EXOC4: variants seen among roughly 807,000 people sequenced by gnomAD.
The protein encoded by EXOC4 is SEC8-like 1.
EXOC4 carries 71 observed loss-of-function variants against 107.2 expected under a neutral mutation model. That is an observed-to-expected ratio of 0.66 (90% CI 0.55 to 0.81). The LOEUF (loss-of-function observed/expected upper bound fraction) is 0.81. Ranked by LOEUF, EXOC4 falls within the 30% of genes least tolerant of loss-of-function variation. The probability of loss-of-function intolerance (pLI) is 0.00; values close to 1 mark genes in which losing one functional copy is unlikely to be tolerated. For missense variants in EXOC4, 1,108 were observed against 1,189.6 expected (o/e 0.93, Z 1.01); for synonymous variants, 456 against 441.2 (o/e 1.03, Z -0.42).
chr7:133,347,124 T>C (rs144793680), intron 5 of EXOC4, among the ~76,000 whole-genome samples: 57 of 152,306 alleles, frequency 3.7e-4, no homozygotes, highest in African/African-American at 1.3e-3. Context: ...AATATTTAAC[T>C]GTATAAATAG....
At position 133,938,051 on chromosome 7, in the gene EXOC4, A is replaced by G; in HGVS notation, c.2188A>G (p.Asn730Asp). The G allele has an allele frequency of 1.2e-6, 2 of 1,614,048 alleles. No homozygotes were observed. Among genetic ancestry groups the G allele is most frequent in the Non-Finnish European group, 1.7e-6 (2 of 1,180,008 alleles). The change falls in exon 14 of 18, where the codon AAT becomes GAT. Residue 730 changes from asparagine to aspartate, a missense_variant. Physicochemically the swap from Asn to Asp is conservative, Grantham distance 23. Coordinates refer to ENST00000253861, the MANE Select transcript of EXOC4 (RefSeq NM_021807.4). Reference sequence around the variant, plus strand: ...AAGTCGAACAAAGTCAGCTTTCTCCAATCTTTCTACATCCCAGAGTAAGTA... The same window carrying G: ...AAGTCGAACAAAGTCAGCTTTCTCCGATCTTTCTACATCCCAGAGTAAGTA... The part of the protein sequence containing the change: ...LASRTKSAFS[N>D]LSTSQMLSPA...
At chr7:133,294,811 A>T (rs999651444) in intron 3 of EXOC4, among the ~76,000 whole-genome samples, 1 of 152,070 alleles carries the variant, frequency 6.6e-6, no homozygotes, top group Non-Finnish European at 1.5e-5. Flanking sequence ...AGTTAACAAG[A>T]TCCTTTGGAA....
intron 10 of EXOC4, among the ~76,000 whole-genome samples, chr7:133,682,147 C>G (rs1237156713): frequency 6.6e-6 from 1 of 152,130 alleles, no homozygotes; most frequent in Non-Finnish European, 1.5e-5. Flanking sequence ...ATCCAGGCAC[C>G]TTGTCCTCCC....
intron 7 of EXOC4, among the ~76,000 whole-genome samples, chr7:133,426,875 C>T (rs1304713403): frequency 6.6e-6 from 1 of 152,186 alleles, no homozygotes; most frequent in African/African-American, 2.4e-5. Flanking sequence ...GACATTTCCT[C>T]TCTTAAGGTA....
chr7:133,407,184 C>T (rs1797241191), intron 7 of EXOC4, among the ~76,000 whole-genome samples: 1 of 152,160 alleles, frequency 6.6e-6, no homozygotes, highest in Non-Finnish European at 1.5e-5. Flanking sequence ...CATCCCCCAC[C>T]TTTGATCTGT....
At chr7:133,705,738 C>T in intron 10 of EXOC4, among the ~76,000 whole-genome samples, 1 of 152,122 alleles carries the variant, frequency 6.6e-6, no homozygotes, top group East Asian at 1.9e-4. Context: ...GACTAATGGA[C>T]AGGTAGCGTA....
chr7:133,886,663 G>C (rs1365452853), intron 11 of EXOC4, among the ~76,000 whole-genome samples: 1 of 152,004 alleles, frequency 6.6e-6, no homozygotes, highest in Non-Finnish European at 1.5e-5. Context: ...TTGTTTAATA[G>C]AAATTATAAT....
At chr7:134,030,684 C>G (rs569133416) in intron 17 of EXOC4, among the ~76,000 whole-genome samples, 34 of 136,810 alleles carry the variant, frequency 2.5e-4, no homozygotes, top group African/African-American at 8.7e-4. Flanking sequence ...CTCTGCCCCC[C>G]CAGCTCACCC....
chr7:133,652,255 G>T (rs997882639), intron 10 of EXOC4, among the ~76,000 whole-genome samples: 3 of 152,120 alleles, frequency 2.0e-5, no homozygotes, highest in Non-Finnish European at 4.4e-5. Flanking sequence ...TTCACATGCA[G>T]CCTAGACATA....
chr7:133,527,370 C>T (rs992618388), intron 9 of EXOC4, among the ~76,000 whole-genome samples: 1 of 152,036 alleles, frequency 6.6e-6, no homozygotes, highest in Non-Finnish European at 1.5e-5. Flanking sequence ...CGCCCCTGCA[C>T]TCTAGCCTGG....
intron 5 of EXOC4, among the ~76,000 whole-genome samples, chr7:133,328,768 T>C (rs1795309554): frequency 6.6e-6 from 1 of 152,200 alleles, no homozygotes; most frequent in Non-Finnish European, 1.5e-5. Flanking sequence ...TTCTTGCTTA[T>C]AGGGTTTTGC....
At chr7:133,449,483 C>T (rs1211955722) in intron 7 of EXOC4, among the ~76,000 whole-genome samples, 1 of 152,172 alleles carries the variant, frequency 6.6e-6, no homozygotes, top group Non-Finnish European at 1.5e-5. Flanking sequence ...TTCTTAAATG[C>T]AAGGATAATT....
chr7:133,856,585 A>C (rs139380898), intron 11 of EXOC4, among the ~76,000 whole-genome samples: 207 of 152,288 alleles, frequency 1.4e-3, no homozygotes, highest in African/African-American at 4.7e-3. Flanking sequence ...TAAATGTGTG[A>C]TTTTTATCAT....
At chr7:133,481,099 TAAGTGTAA>T (rs1245457115) in intron 9 of EXOC4, 1 of 150,746 alleles carries the variant, frequency 6.6e-6, no homozygotes, top group Non-Finnish European at 1.5e-5. Context: ...GAGGGCCTGC[TAAGTGTAA>T]GACATCTTAG....
intron 7 of EXOC4, among the ~76,000 whole-genome samples, chr7:133,437,640 C>T (rs754500713): frequency 3.9e-5 from 6 of 152,070 alleles, no homozygotes; most frequent in Non-Finnish European, 7.4e-5. Context: ...TTTATTTCCC[C>T]GTTTTTCTGT....
chr7:133,848,957 G>A (rs1263953796), intron 11 of EXOC4, among the ~76,000 whole-genome samples: 1 of 152,112 alleles, frequency 6.6e-6, no homozygotes, highest in Non-Finnish European at 1.5e-5. Context: ...TTTGTTATAG[G>A]AGAGCCCTTC....
intron 12 of EXOC4, among the ~76,000 whole-genome samples, chr7:133,900,675 A>C (rs985298860): frequency 1.1e-4 from 16 of 152,030 alleles, no homozygotes; most frequent in African/African-American, 3.9e-4. Flanking sequence ...TGCCTGAATC[A>C]GGGGACAGGG....
intron 9 of EXOC4, among the ~76,000 whole-genome samples, chr7:133,615,595 T>C (rs1026523094): frequency 2.0e-5 from 3 of 152,172 alleles, no homozygotes; most frequent in Admixed American, 6.5e-5. Context: ...TTAATCTGTC[T>C]GCAGTCTTTT....
intron 10 of EXOC4, among the ~76,000 whole-genome samples, chr7:133,795,526 GAGGAAACTGAAGCCT>G (rs1244395104): frequency 2.4e-4 from 37 of 152,184 alleles, no homozygotes; most frequent in Non-Finnish European, 3.1e-4. Flanking sequence ...AGGACCTGGT[GAGGAAACTGAAGCCT>G]AGGGCTACCC....
Sources: allele counts gnomAD v4.1 joint callset (sites outside exome capture counted in the v4.1 genomes callset), GRCh38; gene constraint gnomAD v4.1.1; transcripts MANE v1.5; gene names NCBI Gene and HGNC (gene_info 2026-07-23, HGNC 2026-07-21).